AGPAT4: variants seen among roughly 807,000 people sequenced by gnomAD.
AGPAT4 encodes 1-acyl-sn-glycerol-3-phosphate acyltransferase delta.
AGPAT4 carries 15 observed loss-of-function variants against 48.0 expected under a neutral mutation model. The observed-to-expected ratio is 0.31, with a 90% CI of 0.21 to 0.48. The LOEUF (loss-of-function observed/expected upper bound fraction) is 0.48. AGPAT4 is among the 20% of genes least tolerant of loss of function. The probability of loss-of-function intolerance (pLI) is 0.99; values close to 1 mark genes in which losing one functional copy is unlikely to be tolerated. For missense variants in AGPAT4, 314 were observed against 482.5 expected (o/e 0.65, Z 3.27); for synonymous variants, 178 against 198.7 (o/e 0.90, Z 0.88).
intron 1 of AGPAT4, among the ~76,000 whole-genome samples, chr6:161,250,736 C>T (rs559538199): frequency 2.4e-4 from 36 of 152,176 alleles, no homozygotes; most frequent in Admixed American, 1.2e-3. Flanking sequence ...TGTTTATATT[C>T]TTACTAGCAA....
chr6:161,268,152 T>C (rs1783318431), intron 1 of AGPAT4, among the ~76,000 whole-genome samples: 1 of 152,200 alleles, frequency 6.6e-6, no homozygotes, highest in Admixed American at 6.5e-5. Context: ...AGCTTTGTTA[T>C]GAGGCTAAAA....
At position 161,166,030 on chromosome 6, in the gene AGPAT4, G is replaced by A. The variant is rs776438511; in HGVS notation, c.348+218C>T. ...TAAATGAATCATATGTAAAATGGCC[G>A]GCAGGTAGCAATTGTTGAGTACCTC... On this transcript the variant is annotated intron_variant, in intron 3 of 8. Coordinates refer to ENST00000320285, the MANE Select transcript of AGPAT4 (RefSeq NM_020133.3). The surrounding 1 kb of genome is among the most constrained non-coding windows in gnomAD (Gnocchi z 6.7). 1.3e-5 allele frequency: 8 copies of A among 637,900 alleles called. No homozygotes were observed. Among genetic ancestry groups the A allele is most frequent in the Admixed American group, 9.0e-5 (3 of 33,460 alleles). 39.5% of individuals were successfully genotyped at this position (637,900 alleles called of 1,614,324 possible).
chr6:161,187,708 T>A (rs1057040985), intron 2 of AGPAT4, among the ~76,000 whole-genome samples: 1 of 151,650 alleles, frequency 6.6e-6, no homozygotes, highest in Non-Finnish European at 1.5e-5. Flanking sequence ...ACCCAGCTAA[T>A]TTTTTTTGTA....
chr6:161,173,308 G>C (rs1392755285), intron 2 of AGPAT4, among the ~76,000 whole-genome samples: 1 of 152,164 alleles, frequency 6.6e-6, no homozygotes, highest in Non-Finnish European at 1.5e-5. Flanking sequence ...AGCACCTGTT[G>C]TTTCCTGGCT....
intron 5 of AGPAT4, among the ~76,000 whole-genome samples, chr6:161,151,157 G>A (rs1583282707): frequency 6.6e-6 from 1 of 152,342 alleles, no homozygotes; most frequent in East Asian, 1.9e-4. Context: ...CCGCCAGCCA[G>A]GAGCAAATCC....
rs1163776219 is a variant in AGPAT4, at chr6:161,130,834, T to C, written c.*5706A>G. The C allele has an allele frequency of 1.9e-6, 1 of 518,896 alleles. No homozygotes were observed. The highest frequency in any genetic ancestry group is 3.8e-6 in the Non-Finnish European group (1 of 259,862). 32.1% of individuals were successfully genotyped at this position (518,896 alleles called of 1,614,324 possible). The stretch of plus-strand genomic sequence containing the variant: ...TTAGACACTTTACAAGTCTGAGCCA[T>C]CCCGTACTAGTTCATCAACTTTCCT... On this transcript the variant is annotated 3_prime_UTR_variant, in exon 9 of 9. Transcript: ENST00000320285.
Position 161,233,319 on chromosome 6 carries a change from G to T in AGPAT4, c.-89-1017C>A, listed in dbSNP as rs540476583. On this transcript the variant is annotated intron_variant, in intron 1 of 8. Transcript: ENST00000320285. The surrounding 1 kb of genome is among the most constrained non-coding windows in gnomAD (Gnocchi z 5.4). Reference sequence around the variant, plus strand: ...AAATGGCAGGAGTTTCAAATACTCTGATGAAAAGGAAAGCTGTGAGCAGCG... The same window carrying T: ...AAATGGCAGGAGTTTCAAATACTCTTATGAAAAGGAAAGCTGTGAGCAGCG... 6.6e-6 allele frequency among the ~76,000 whole-genome samples: 1 copy of T among 152,316 alleles called. No individual in the cohort carries two copies. Among genetic ancestry groups the T allele is most frequent in the East Asian group, 1.9e-4 (1 of 5,190 alleles).
chr6:161,165,293 G>C lies in AGPAT4; in HGVS notation c.348+955C>G, dbSNP rs1211600453. ...GGAAAACAAAAGGAGAAAACAGTGG[G>C]CAGGAGGCTATCTTCATCTGCCTCC... On this transcript the variant is annotated intron_variant, in intron 3 of 8. Transcript: ENST00000320285. This position sits in a 1 kb window ranked among gnomAD's most constrained non-coding sequence, Gnocchi z 5.5. 1.3e-5 allele frequency among the ~76,000 whole-genome samples: 2 copies of C among 152,202 alleles called. No individual in the cohort carries two copies. The highest frequency in any genetic ancestry group is 2.9e-5 in the Non-Finnish European group (2 of 68,036).
Position 161,184,067 on chromosome 6 carries a change from A to G in AGPAT4, c.179-17650T>C, listed in dbSNP as rs963147662. On this transcript the variant is annotated intron_variant, in intron 2 of 8. Transcript: ENST00000320285. This position sits in a 1 kb window ranked among gnomAD's most constrained non-coding sequence, Gnocchi z 4.8. ...TACAGTCTACTAGAACCTGTGCCAC[A>G]AAGGGATTGGTTTTGCCCACTGGTG... Among the ~76,000 whole-genome samples the G allele has an allele frequency of 1.2e-4, 19 of 152,100 alleles. No homozygotes were observed. Among genetic ancestry groups the G allele is most frequent in the African/African-American group, 2.7e-4 (11 of 41,422 alleles).
rs957925878 is a variant in AGPAT4, at chr6:161,218,778, A to C, written c.178+13258T>G. Reference sequence around the variant, plus strand: ...TATACTCTGAGGTGGCAGAGGTGAAAAAACACTGTTATCTACCAAACAGTA... The same window carrying C: ...TATACTCTGAGGTGGCAGAGGTGAACAAACACTGTTATCTACCAAACAGTA... On this transcript the variant is annotated intron_variant, in intron 2 of 8. Transcript: ENST00000320285. This position sits in a 1 kb window ranked among gnomAD's most constrained non-coding sequence, Gnocchi z 4.7. Among the ~76,000 whole-genome samples the C allele has an allele frequency of 6.6e-6, 1 of 152,250 alleles. No individual in the cohort carries two copies. Among genetic ancestry groups the C allele is most frequent in the Non-Finnish European group, 1.5e-5 (1 of 68,052 alleles).
rs1778953560 is a variant in AGPAT4, at chr6:161,133,070, A to G, written c.*3470T>C. 6.6e-6 allele frequency: 1 copy of G among 152,246 alleles called. No individual in the cohort carries two copies. Among genetic ancestry groups the G allele is most frequent in the Non-Finnish European group, 1.5e-5 (1 of 68,044 alleles). The allele number at this position is 152,246 out of a possible 1,614,324, so 9.4% of individuals were successfully genotyped here. ...CACTGCTTTAGAGAAAGCTGGATTAAATCTCTTGAGCAGAAGTAGAGACCC... is the reference window on the plus strand; with the variant it reads ...CACTGCTTTAGAGAAAGCTGGATTAGATCTCTTGAGCAGAAGTAGAGACCC... On this transcript the variant is annotated 3_prime_UTR_variant, in exon 9 of 9. Coordinates refer to ENST00000320285, the MANE Select transcript of AGPAT4 (RefSeq NM_020133.3).
rs1781272041 is a variant in AGPAT4 at position 161,202,869 on chromosome 6, G to C, written c.178+29167C>G. On this transcript the variant is annotated intron_variant, in intron 2 of 8. Transcript: ENST00000320285. The surrounding 1 kb of genome is among the most constrained non-coding windows in gnomAD (Gnocchi z 5.4). ...CTACTGCCTTGAAGCTGTCTGCCAT[G>C]GGGAAGCCTGGGCTATATGGATAGG... is the stretch of plus-strand genomic sequence containing the variant. 1.3e-5 allele frequency among the ~76,000 whole-genome samples: 2 copies of C among 152,174 alleles called. No individual in the cohort carries two copies. The highest frequency in any genetic ancestry group is 2.9e-5 in the Non-Finnish European group (2 of 68,016).
chr6:161,162,063 C>A (rs930085574), intron 3 of AGPAT4: 1 of 158,170 alleles, frequency 6.3e-6, no homozygotes, highest in African/African-American at 2.4e-5. Context: ...CCCATCTTGG[C>A]CTTCCAAACC....
intron 2 of AGPAT4, among the ~76,000 whole-genome samples, chr6:161,228,448 A>C (rs1308014933): frequency 6.6e-6 from 1 of 152,082 alleles, no homozygotes; most frequent in Admixed American, 6.5e-5. Flanking sequence ...TGTTCACAGC[A>C]ACACTGAATT....
rs1780865719 is a variant in AGPAT4 at position 161,189,625 on chromosome 6, C to G, written c.179-23208G>C. Among the ~76,000 whole-genome samples, 1 of 152,138 alleles carries G rather than the reference C, an allele frequency of 6.6e-6. No homozygotes were observed. Among genetic ancestry groups the G allele is most frequent in the Non-Finnish European group, 1.5e-5 (1 of 68,022 alleles). On this transcript the variant is annotated intron_variant, in intron 2 of 8. Transcript: ENST00000320285. The surrounding 1 kb of genome is among the most constrained non-coding windows in gnomAD (Gnocchi z 5.3). ...GGTACGGACTTCTGTCTGTGCTGTA[C>G]ACTTGCACACGGCAGATCCAGGCCA...
At chr6:161,273,228 A>G (rs563728809) in intron 1 of AGPAT4, among the ~76,000 whole-genome samples, 1 of 152,308 alleles carries the variant, frequency 6.6e-6, no homozygotes, top group African/African-American at 2.4e-5. Flanking sequence ...TCTTTTTTTA[A>G]TTCCTCGATA....
rs1262536759 is a variant in AGPAT4, at chr6:161,245,003, T to C, written c.-89-12701A>G. Among the ~76,000 whole-genome samples the C allele has an allele frequency of 6.6e-6, 1 of 152,246 alleles. No individual in the cohort carries two copies. Among genetic ancestry groups the C allele is most frequent in the Non-Finnish European group, 1.5e-5 (1 of 68,046 alleles). On this transcript the variant is annotated intron_variant, in intron 1 of 8. Coordinates refer to ENST00000320285, the MANE Select transcript of AGPAT4 (RefSeq NM_020133.3). This position sits in a 1 kb window ranked among gnomAD's most constrained non-coding sequence, Gnocchi z 5.2. Reference sequence around the variant, plus strand: ...AAACACGTGGGCATGAGAACTCTCCTGCAAATGCTAACTTAATTTCGCACA... The same window carrying C: ...AAACACGTGGGCATGAGAACTCTCCCGCAAATGCTAACTTAATTTCGCACA...
intron 5 of AGPAT4, among the ~76,000 whole-genome samples, chr6:161,152,804 G>A (rs9456637): frequency 0.3 from 45,520 of 152,136 alleles, 8,816 homozygotes; most frequent in African/African-American, 0.55. Context: ...GGGAGGCCAG[G>A]TGTGCAGAAG....
rs560426105 is a variant in AGPAT4 at position 161,178,478 on chromosome 6, G to A, written c.179-12061C>T. Among the ~76,000 whole-genome samples the A allele has an allele frequency of 1.2e-4, 19 of 152,228 alleles. No homozygotes were observed. Among genetic ancestry groups the A allele is most frequent in the Non-Finnish European group, 2.8e-4 (19 of 68,050 alleles). On this transcript the variant is annotated intron_variant, in intron 2 of 8. Coordinates refer to ENST00000320285, the MANE Select transcript of AGPAT4 (RefSeq NM_020133.3). The surrounding 1 kb of genome is among the most constrained non-coding windows in gnomAD (Gnocchi z 5.1). Reference sequence around the variant, plus strand: ...GGTGTGCCATTTGCTAAGACCGTTGGAAAAGCGCAGTATTAGGGTGGGAGT... The same window carrying A: ...GGTGTGCCATTTGCTAAGACCGTTGAAAAAGCGCAGTATTAGGGTGGGAGT...
Sources: allele counts gnomAD v4.1 joint callset (sites outside exome capture counted in the v4.1 genomes callset), GRCh38; gene constraint gnomAD v4.1.1; non-coding constraint Gnocchi (gnomAD v3.1); transcripts MANE v1.5; gene names NCBI Gene and HGNC (gene_info 2026-07-23, HGNC 2026-07-21).